KIZ: variants seen among roughly 807,000 people sequenced by gnomAD.
KIZ encodes the protein kizuna centrosomal protein.
KIZ carries 68 observed loss-of-function variants against 79.6 expected under a neutral mutation model. That is an observed-to-expected ratio of 0.85 (90% CI 0.70 to 1.05). The LOEUF is 1.05. KIZ is among the 50% of genes least tolerant of loss of function. The probability of loss-of-function intolerance (pLI) is 0.00; values close to 1 mark genes in which losing one functional copy is unlikely to be tolerated. For missense variants in KIZ, 797 were observed against 800.4 expected (o/e 1.00, Z 0.05); for synonymous variants, 280 against 281.8 (o/e 0.99, Z 0.06).
chr20:21,171,415 G>A (rs1184913484), intron 6 of KIZ, among the ~76,000 whole-genome samples: 2 of 152,126 alleles, frequency 1.3e-5, no homozygotes, highest in East Asian at 3.9e-4. Context: ...CTTTTACAGA[G>A]CAGAAGTTTT....
At chr20:21,188,676 T>TTTA (rs1555882083) in intron 6 of KIZ, among the ~76,000 whole-genome samples, 3 of 141,834 alleles carry the variant, frequency 2.1e-5, no homozygotes, top group African/African-American at 8.0e-5. Context: ...TTGCATTTTA[T>TTTA]TTTATTTATT....
intron 9 of KIZ, among the ~76,000 whole-genome samples, chr20:21,223,258 G>T (rs2036557617): frequency 6.6e-6 from 1 of 152,230 alleles, no homozygotes; most frequent in African/African-American, 2.4e-5. Flanking sequence ...AGACGCAAAA[G>T]TGTTTCAGCT....
chr20:21,188,263 G>A (rs988957326), intron 6 of KIZ, among the ~76,000 whole-genome samples: 1 of 152,154 alleles, frequency 6.6e-6, no homozygotes, highest in African/African-American at 2.4e-5. Context: ...AGGGAGGAAG[G>A]AACACTGCAC....
chr20:21,217,668 A>T (rs1183747403), intron 9 of KIZ, among the ~76,000 whole-genome samples: 1 of 152,156 alleles, frequency 6.6e-6, no homozygotes, highest in Non-Finnish European at 1.5e-5. Context: ...CTGTATTGGG[A>T]AAGCAGACAT....
chr20:21,168,578 A>C (rs1317340436), intron 6 of KIZ, among the ~76,000 whole-genome samples: 2 of 152,228 alleles, frequency 1.3e-5, no homozygotes, highest in Admixed American at 1.3e-4. Context: ...ATTGGAAAAA[A>C]CTACTTTAAA....
chr20:21,171,741 G>A (rs1484579120), intron 6 of KIZ, among the ~76,000 whole-genome samples: 2 of 152,150 alleles, frequency 1.3e-5, no homozygotes, highest in Non-Finnish European at 2.9e-5. Flanking sequence ...CACCATGCCC[G>A]ACCTTTTGCT....
intron 9 of KIZ, among the ~76,000 whole-genome samples, chr20:21,219,946 C>T (rs1007569356): frequency 6.6e-6 from 1 of 152,162 alleles, no homozygotes; most frequent in African/African-American, 2.4e-5. Flanking sequence ...AACACAGAGT[C>T]AGTATTCCAT....
At chr20:21,175,028 C>A (rs1326501879) in intron 6 of KIZ, among the ~76,000 whole-genome samples, 3 of 152,222 alleles carry the variant, frequency 2.0e-5, no homozygotes, top group Non-Finnish European at 4.4e-5. Context: ...AGCACAGTTG[C>A]CTGTTTCTCT....
At chr20:21,234,279 A>T (rs1354691233) in intron 11 of KIZ, among the ~76,000 whole-genome samples, 2 of 152,000 alleles carry the variant, frequency 1.3e-5, no homozygotes, top group Non-Finnish European at 2.9e-5. Flanking sequence ...GTATTTTGTT[A>T]TTAGTATCGT....
rs75751015 is a variant in KIZ, at chr20:21,190,544, G to A, written c.1353-14947G>A. On this transcript the variant is annotated intron_variant, in intron 6 of 12. Transcript: ENST00000619189. ...GGTGCTAAATTGCCTCGGGATAACCGGTATGCCACAAATATTGAATTAGCC... is the reference window on the plus strand; with the variant it reads ...GGTGCTAAATTGCCTCGGGATAACCAGTATGCCACAAATATTGAATTAGCC... Among the ~76,000 whole-genome samples the A allele has an allele frequency of 1.4e-4, 22 of 152,244 alleles. No homozygotes were observed. The East Asian group carries it at 3.9e-3, about 27-fold the overall frequency.
intron 11 of KIZ, among the ~76,000 whole-genome samples, chr20:21,237,774 A>G (rs920431713): frequency 1.3e-5 from 2 of 152,166 alleles, no homozygotes; most frequent in South Asian, 2.1e-4. Flanking sequence ...ATCTGTAGTC[A>G]GGGCTAGAAG....
intron 9 of KIZ, 149 bp from the exon 10 acceptor site, chr20:21,228,862 G>A (rs549694152): frequency 1.1e-5 from 6 of 553,058 alleles, no homozygotes; most frequent in African/African-American, 9.4e-5. Context: ...ATTGTTTTTT[G>A]TTTGTTTTCA....
intron 6 of KIZ, among the ~76,000 whole-genome samples, chr20:21,201,084 CAGG>C (rs746094167): frequency 1.4e-4 from 21 of 152,048 alleles, no homozygotes; most frequent in Non-Finnish European, 2.8e-4. Flanking sequence ...GAGGCTGAGG[CAGG>C]AGGACTGCTT....
rs1482424036 is a variant in KIZ at position 21,232,793 on chromosome 20, G to T, written c.1843G>T (p.Ala615Ser). 9.4e-6 allele frequency: 15 copies of T among 1,588,462 alleles called. No homozygotes were observed. In the Admixed American group the frequency reaches 1.0e-4, roughly 11 times the overall value. Reference protein sequence around the residue: ...TKTANKIASEASFSSSEGSPL... With the variant: ...TKTANKIASESSFSSSEGSPL... ...GACAGCTAACAAAATTGCTTCGGAA[G>T]CTAGTTTTTCATCTAGTGAAGGAAG... The change falls in exon 11 of 13, where the codon GCT becomes TCT. Residue 615 changes from alanine to serine, a missense_variant. Coordinates refer to ENST00000619189, the MANE Select transcript of KIZ (RefSeq NM_018474.6).
chr20:21,232,800 T>C lies in KIZ; in HGVS notation c.1850T>C (p.Phe617Ser). 6.4e-7 allele frequency: 1 copy of C among 1,572,842 alleles called. No homozygotes were observed. ...AACAAAATTGCTTCGGAAGCTAGTT[T>C]TTCATCTAGTGAAGGAAGTCCTTTG... ...TANKIASEAS[F>S]SSSEGSPLSR... Residue 617 changes from phenylalanine (F) to serine (S), a missense_variant, in exon 11 of 13, where the codon TTT becomes TCT. Transcript: ENST00000619189.
At chr20:21,244,340 ACT>A (rs2037319813) in intron 12 of KIZ, 52 bp downstream of exon 12, 4 of 1,274,618 alleles carry the variant, frequency 3.1e-6, no homozygotes, top group Non-Finnish European at 4.6e-6. Flanking sequence ...TAACCAAAAA[ACT>A]CTGTGACATG....
At chr20:21,143,404 G>A (rs529857246) in intron 3 of KIZ, among the ~76,000 whole-genome samples, 3 of 152,298 alleles carry the variant, frequency 2.0e-5, no homozygotes, top group Admixed American at 2.0e-4. Context: ...GGAAATTGAC[G>A]GAAGTGAGAA....
intron 4 of KIZ, among the ~76,000 whole-genome samples, chr20:21,157,475 C>G (rs143723711): frequency 1.8e-3 from 281 of 152,242 alleles, no homozygotes; most frequent in African/African-American, 6.5e-3. Flanking sequence ...GTAAATACTC[C>G]TCTTTTTGGG....
chr20:21,218,781 T>C (rs1031562413), intron 9 of KIZ, among the ~76,000 whole-genome samples: 7 of 152,196 alleles, frequency 4.6e-5, no homozygotes, highest in Non-Finnish European at 1.0e-4. Flanking sequence ...ATCTTCAGCA[T>C]TTTTCTGTGA....
Sources: allele counts gnomAD v4.1 joint callset (sites outside exome capture counted in the v4.1 genomes callset), GRCh38; gene constraint gnomAD v4.1.1; transcripts MANE v1.5; gene names NCBI Gene and HGNC (gene_info 2026-07-23, HGNC 2026-07-21).